PCDH11X: variants seen among roughly 807,000 people sequenced by gnomAD.
PCDH11X encodes protocadherin 11 X-linked, also known as protocadherin-11 X-linked.
A neutral mutation model predicts 53.3 loss-of-function variants in PCDH11X; 18 were observed. The observed-to-expected ratio is 0.34, with a 90% confidence interval of 0.23 to 0.50. PCDH11X has a LOEUF of 0.50. Among genes scored for constraint, PCDH11X ranks in the 20% least tolerant of loss-of-function variants. PCDH11X has a pLI of 0.98. For synonymous variants in PCDH11X, 279 were observed against 393.3 expected (o/e 0.71, Z 3.44); for missense variants, 570 against 1,032.4 (o/e 0.55, Z 6.14).
chrX:91,969,812 GA>G (rs1430731346), intron 6 of PCDH11X, among the ~76,000 whole-genome samples: 2 of 102,512 alleles, frequency 2.0e-5, no homozygotes, highest in East Asian at 6.3e-4. Context: ...AAAAAAAAAG[GA>G]AAAAAGAAAA....
At chrX:92,559,283 A>G (rs1284586970) in intron 10 of PCDH11X, among the ~76,000 whole-genome samples, 1 of 111,560 alleles carries the variant, frequency 9.0e-6, no homozygotes, top group Non-Finnish European at 1.9e-5. Flanking sequence ...ACATAATATG[A>G]TCTACATTTC....
intron 6 of PCDH11X, among the ~76,000 whole-genome samples, chrX:92,132,681 A>G (rs12393089): frequency 4.5e-5 from 3 of 66,256 alleles, no homozygotes; most frequent in Non-Finnish European, 7.3e-5. Flanking sequence ...ATATGTATAT[A>G]TATATGTATA....
chrX:91,898,857 CTAATA>C (rs1224692500), intron 6 of PCDH11X, among the ~76,000 whole-genome samples: 1 of 110,067 alleles, frequency 9.1e-6, no homozygotes, highest in East Asian at 2.9e-4. Flanking sequence ...GCTTTCCTAT[CTAATA>C]TATCTACTGT....
intron 8 of PCDH11X, among the ~76,000 whole-genome samples, chrX:92,281,703 A>G (rs1211269426): frequency 1.8e-5 from 2 of 111,823 alleles, no homozygotes; most frequent in African/African-American, 3.2e-5. Context: ...ACTGAGGACA[A>G]GTGAATTGTG....
intron 6 of PCDH11X, among the ~76,000 whole-genome samples, chrX:92,089,984 C>G (rs1179527728): frequency 9.4e-6 from 1 of 106,278 alleles, no homozygotes; most frequent in Non-Finnish European, 1.9e-5. Flanking sequence ...CATTTTTCCT[C>G]AAGATGATCA....
chrX:92,275,286 C>G (rs375031839), intron 8 of PCDH11X, among the ~76,000 whole-genome samples: 9 of 103,457 alleles, frequency 8.7e-5, no homozygotes, highest in Middle Eastern at 5.0e-3. Flanking sequence ...AAGGGTTGTT[C>G]TTTTGTAAGG....
At chrX:92,521,975 G>T (rs1487938344) in intron 10 of PCDH11X, among the ~76,000 whole-genome samples, 1 of 112,002 alleles carries the variant, frequency 8.9e-6, no homozygotes, top group East Asian at 2.8e-4. Flanking sequence ...TGTTGGGACT[G>T]GTTTGATCTT....
intron 8 of PCDH11X, among the ~76,000 whole-genome samples, chrX:92,368,647 T>C (rs1173256976): frequency 9.0e-6 from 1 of 111,718 alleles, no homozygotes; most frequent in Non-Finnish European, 1.9e-5. Context: ...CTACCTTTGA[T>C]CTTTGAGGCT....
At chrX:92,083,944 C>T (rs1245788507) in intron 6 of PCDH11X, among the ~76,000 whole-genome samples, 5 of 109,530 alleles carry the variant, frequency 4.6e-5, no homozygotes, top group Non-Finnish European at 9.5e-5. Context: ...AAAAATTAGC[C>T]GGGTGTGGTG....
intron 4 of PCDH11X, among the ~76,000 whole-genome samples, chrX:91,822,110 A>C (rs955226691): frequency 9.1e-6 from 1 of 109,926 alleles, no homozygotes. Flanking sequence ...ATCAATGTTC[A>C]TCAAGGATAT....
chrX:92,408,791 C>G (rs936829829), intron 9 of PCDH11X, among the ~76,000 whole-genome samples: 1 of 108,969 alleles, frequency 9.2e-6, no homozygotes, highest in Non-Finnish European at 1.9e-5. Context: ...ACCGTGTTAG[C>G]CAGGACGGTC....
chrX:92,533,323 G>GA (rs35525142), intron 10 of PCDH11X, among the ~76,000 whole-genome samples: 16 of 106,739 alleles, frequency 1.5e-4, no homozygotes, highest in Middle Eastern at 4.9e-3. Flanking sequence ...GGACAAACTA[G>GA]AAAAAAAAAA....
intron 7 of PCDH11X, among the ~76,000 whole-genome samples, chrX:92,243,229 TTTGAG>T (rs1247486811): frequency 8.9e-6 from 1 of 111,987 alleles, no homozygotes; most frequent in African/African-American, 3.2e-5. Flanking sequence ...ACACCTTACA[TTTGAG>T]TTAATTTTGA....
rs371245695 is a variant in PCDH11X, at chrX:92,327,084, A to G, written c.3145-60651A>G. Among the ~76,000 whole-genome samples the G allele has an allele frequency of 1.1e-3, 115 of 108,955 alleles. 2 individuals carry two copies. The East Asian group carries it at 0.03, about 28-fold the overall frequency. 94.6% of individuals were successfully genotyped at this position (108,955 alleles called of 115,157 possible). A position where few individuals can be genotyped will look rare whatever the true frequency, so the allele number is the denominator to read the frequency against. On this transcript the variant is annotated intron_variant, in intron 8 of 10. Transcript: ENST00000682573. ...AGGAACTCACTATAGCGTAAAAATA[A>G]AGAGATTAATATTAGACCTAAAAGT...
At chrX:92,257,114 G>T (rs774842147) in intron 7 of PCDH11X, among the ~76,000 whole-genome samples, 2 of 111,360 alleles carry the variant, frequency 1.8e-5, no homozygotes, top group Non-Finnish European at 3.8e-5. Context: ...AAAGGCAAAG[G>T]GGGAGCAGCA....
intron 7 of PCDH11X, among the ~76,000 whole-genome samples, chrX:92,248,460 A>C (rs2148394478): frequency 9.0e-6 from 1 of 111,113 alleles, no homozygotes; most frequent in Non-Finnish European, 1.9e-5. Flanking sequence ...TGGACAAATA[A>C]TAAGCATACA....
chrX:92,008,511 T>A (rs1488542597), intron 6 of PCDH11X, among the ~76,000 whole-genome samples: 1 of 110,782 alleles, frequency 9.0e-6, no homozygotes, highest in Non-Finnish European at 1.9e-5. Context: ...CATGCCGAGG[T>A]GGGGGAGTGG....
rs184608918 is a variant in PCDH11X, at chrX:92,183,825, G to C, written c.3034-17550G>C. Among the ~76,000 whole-genome samples, 117 of 111,555 alleles carry C rather than the reference G, an allele frequency of 1.0e-3. 1 individual carries two copies. Among genetic ancestry groups the C allele is most frequent in the African/African-American group, 3.6e-3 (112 of 30,690 alleles). ...TGCAGTTATGTCTGCCTGAGATATG[G>C]CTTGTGGTTTTGCCCATTCCTGTTA... On this transcript the variant is annotated intron_variant, in intron 6 of 10. Transcript: ENST00000682573.
chrX:92,447,687 A>G (rs1242797203), intron 9 of PCDH11X, among the ~76,000 whole-genome samples: 1 of 112,740 alleles, frequency 8.9e-6, no homozygotes, highest in Non-Finnish European at 1.9e-5. Flanking sequence ...GAGCCTGCAC[A>G]CAGAATCCCT....
Sources: allele counts gnomAD v4.1 joint callset (sites outside exome capture counted in the v4.1 genomes callset), GRCh38; gene constraint gnomAD v4.1.1; transcripts MANE v1.5; gene names NCBI Gene and HGNC (gene_info 2026-07-23, HGNC 2026-07-21).